The following TASP1 variants were observed in gnomAD, a reference collection of about 807,000 sequenced individuals.
TASP1 encodes the protein taspase 1.
In TASP1, 16 loss-of-function variants were observed where a neutral mutation model predicts 56.6. The observed-to-expected ratio is 0.28, with a 90% CI of 0.19 to 0.43. The LOEUF (loss-of-function observed/expected upper bound fraction) is 0.43, where lower values mean the gene tolerates loss of function less well. Ranked by LOEUF, TASP1 falls within the 20% of genes least tolerant of loss-of-function variation. The pLI is 1.00. For synonymous variants in TASP1, 179 were observed against 184.2 expected (o/e 0.97, Z 0.23); for missense variants, 393 against 511.6 (o/e 0.77, Z 2.24).
At chr20:13,146,770 A>G in the TASP1 span, among the ~76,000 whole-genome samples, 1 of 152,274 alleles carries the variant, frequency 6.6e-6, no homozygotes, top group South Asian at 2.1e-4. Flanking sequence ...GTACATAGTG[A>G]GTACTTTTCA....
chr20:13,183,281 T>A, the TASP1 span, among the ~76,000 whole-genome samples: 8 of 152,320 alleles, frequency 5.3e-5, no homozygotes, highest in African/African-American at 1.9e-4. Context: ...GCCAGACGTG[T>A]GGGTGAATCC....
chr20:13,279,758 T>C, the TASP1 span: 2 of 1,613,900 alleles, frequency 1.2e-6, no homozygotes, highest in Admixed American at 3.3e-5. Flanking sequence ...TCCCTGTCCT[T>C]GGCCAGGGCA....
chr20:13,293,337 G>A, the TASP1 span, among the ~76,000 whole-genome samples: 13 of 152,162 alleles, frequency 8.5e-5, no homozygotes, highest in African/African-American at 2.4e-4. Flanking sequence ...CAGGTGCAAG[G>A]TGCAAGCTTA....
chr20:13,303,392 G>A, the TASP1 span, among the ~76,000 whole-genome samples: 4 of 152,236 alleles, frequency 2.6e-5, no homozygotes, highest in Non-Finnish European at 5.9e-5. Context: ...CCTTGCTCAG[G>A]TTGGGTAAGT....
chr20:13,569,630 C>A, intron 6 of TASP1, 44 bp from the exon 7 acceptor site: 2 of 1,507,136 alleles, frequency 1.3e-6, no homozygotes, highest in Non-Finnish European at 1.8e-6. Context: ...GTGTCATCTT[C>A]TCCTACATAT....
intron 13 of TASP1, chr20:13,393,270 T>G (rs2041363299): frequency 1.1e-5 from 8 of 743,606 alleles, no homozygotes; most frequent in Non-Finnish European, 2.0e-5. Flanking sequence ...GCATGAGGGC[T>G]GTGTGGCTCT....
intron 8 of TASP1, among the ~76,000 whole-genome samples, chr20:13,553,150 T>A (rs1238010420): frequency 6.6e-6 from 1 of 152,274 alleles, no homozygotes; most frequent in Non-Finnish European, 1.5e-5. Flanking sequence ...TGCTATGTTA[T>A]CCAGGCTGGT....
the TASP1 span, among the ~76,000 whole-genome samples, chr20:13,356,577 G>C: frequency 6.6e-6 from 1 of 152,106 alleles, no homozygotes. Context: ...CTACCAATCA[G>C]CCTCCTTTCT....
chr20:13,167,804 G>T, the TASP1 span: 16 of 152,150 alleles, frequency 1.1e-4, no homozygotes, highest in African/African-American at 3.9e-4. Flanking sequence ...CATAATAGTT[G>T]TAGTGCCCAG....
At chr20:13,392,871 G>A in intron 13 of TASP1, 1 of 666,350 alleles carries the variant, frequency 1.5e-6, no homozygotes. Context: ...AGAATGGGAA[G>A]CTTGTCATCA....
At chr20:13,602,845 C>T (rs1000186550) in intron 4 of TASP1, among the ~76,000 whole-genome samples, 1 of 152,128 alleles carries the variant, frequency 6.6e-6, no homozygotes, top group South Asian at 2.1e-4. Flanking sequence ...CAGACTGATA[C>T]CAGTCTGAGG....
At chr20:13,403,022 G>A (rs1011830788) in intron 13 of TASP1, among the ~76,000 whole-genome samples, 6 of 152,338 alleles carry the variant, frequency 3.9e-5, no homozygotes, top group Middle Eastern at 6.8e-3. Flanking sequence ...AAAAACCTAA[G>A]TTGTGGCGCT....
chr20:13,105,300 C>T, the TASP1 span, among the ~76,000 whole-genome samples: 2 of 152,040 alleles, frequency 1.3e-5, no homozygotes, highest in African/African-American at 4.8e-5. Flanking sequence ...TTTCCTTCTG[C>T]TCAAGAATCC....
At chr20:13,195,677 G>A in the TASP1 span, among the ~76,000 whole-genome samples, 2 of 152,222 alleles carry the variant, frequency 1.3e-5, no homozygotes, top group Non-Finnish European at 2.9e-5. Flanking sequence ...AAGTTCTTGC[G>A]CTCATATCCT....
At chr20:13,604,987 C>CATATATATATAT (rs3042652) in intron 4 of TASP1, among the ~76,000 whole-genome samples, 14 of 140,494 alleles carry the variant, frequency 1.0e-4, no homozygotes, top group Non-Finnish European at 1.7e-4. Context: ...AGACATAATA[C>CATATATATATAT]ATATATATAT....
At chr20:13,538,265 A>C (rs1285493427) in intron 8 of TASP1, among the ~76,000 whole-genome samples, 1 of 152,074 alleles carries the variant, frequency 6.6e-6, no homozygotes, top group Non-Finnish European at 1.5e-5. Context: ...TGGCCTCCCA[A>C]AGTGCTGGGA....
Position 13,484,178 on chromosome 20 carries a change from G to A in TASP1, c.875-841C>T, listed in dbSNP as rs192973925. 3.4e-3 allele frequency among the ~76,000 whole-genome samples: 522 copies of A among 152,332 alleles called. 5 individuals are homozygous for A. The highest frequency in any genetic ancestry group is 4.9e-3 in the Non-Finnish European group (331 of 68,036). On this transcript the variant is annotated intron_variant, in intron 10 of 13. Coordinates refer to ENST00000337743, the MANE Select transcript of TASP1 (RefSeq NM_017714.3). ...AACAACAGATGCTGGAAAGGATGTGGAGAAACAGGAACACTTGTACACTGT... is the reference window on the plus strand; with the variant it reads ...AACAACAGATGCTGGAAAGGATGTGAAGAAACAGGAACACTTGTACACTGT...
intron 11 of TASP1, among the ~76,000 whole-genome samples, chr20:13,449,832 T>C (rs986870123): frequency 6.6e-6 from 1 of 152,132 alleles, no homozygotes; most frequent in Non-Finnish European, 1.5e-5. Context: ...CACTGTATCC[T>C]GAACCCTATA....
the TASP1 span, among the ~76,000 whole-genome samples, chr20:13,360,744 T>C: frequency 6.6e-6 from 1 of 152,228 alleles, no homozygotes; most frequent in African/African-American, 2.4e-5. Flanking sequence ...CTCCTTCAGC[T>C]GTACTCACTC....
Sources: allele counts gnomAD v4.1 joint callset (sites outside exome capture counted in the v4.1 genomes callset), GRCh38; gene constraint gnomAD v4.1.1; transcripts MANE v1.5; gene names NCBI Gene and HGNC (gene_info 2026-07-23, HGNC 2026-07-21).